RNF126: variants seen among roughly 807,000 people sequenced by gnomAD.
The protein encoded by RNF126 is ring finger protein 126.
RNF126 carries 20 observed loss-of-function variants against 41.9 expected under a neutral mutation model. That is an observed-to-expected ratio of 0.48 (90% CI 0.34 to 0.69). RNF126 has a LOEUF of 0.69. Ranked by LOEUF, RNF126 falls within the 30% of genes least tolerant of loss-of-function variation. The pLI is 0.01. For missense variants in RNF126, 433 were observed against 460.6 expected (o/e 0.94, Z 0.55); for synonymous variants, 239 against 202.9 (o/e 1.18, Z -1.51).
At position 652,791 on chromosome 19, in the gene RNF126, GCTCTTCCAGC is replaced by G. The variant is rs1309053364; in HGVS notation, c.134+25_134+34del. On this transcript the variant is annotated intron_variant, in intron 2 of 8. Transcript: ENST00000292363. ...CCCTACAACAGCTGAGGCCCGGCTGGCTCTTCCAGCCTCTTCAACAGGGGGCTGCATTACC... is the reference window on the plus strand; with the variant it reads ...CCCTACAACAGCTGAGGCCCGGCTGGCTCTTCAACAGGGGGCTGCATTACC... 3.7e-6 allele frequency: 6 copies of G among 1,602,656 alleles called. 1 individual carries two copies. The South Asian group carries it at 6.7e-5, about 18-fold the overall frequency.
chr19:660,098 C>A (rs2030732137), intron 1 of RNF126, among the ~76,000 whole-genome samples: 2 of 152,366 alleles, frequency 1.3e-5, no homozygotes, highest in South Asian at 4.1e-4. Context: ...AACTGCTGCC[C>A]CTGTGCCGTC....
intron 1 of RNF126, among the ~76,000 whole-genome samples, chr19:657,042 TG>T (rs1446138838): frequency 6.6e-6 from 1 of 152,160 alleles, no homozygotes; most frequent in Non-Finnish European, 1.5e-5. Flanking sequence ...CCAGTGGACC[TG>T]GAACAGCTGC....
intron 1 of RNF126, among the ~76,000 whole-genome samples, chr19:658,335 C>T (rs116941761): frequency 0.015 from 2,306 of 151,990 alleles, 19 homozygotes; most frequent in South Asian, 0.025. Context: ...AGTGGGCTGG[C>T]GACCTACAGG....
chr19:652,230 C>G lies in RNF126; in HGVS notation c.198+3G>C, dbSNP rs1263271167. Reference sequence around the variant, plus strand: ...CGGGAAGCACGAGGGGCGGGCGACTCACCTCCAACGGTGGCCGGCTCTGGT... The same window carrying G: ...CGGGAAGCACGAGGGGCGGGCGACTGACCTCCAACGGTGGCCGGCTCTGGT... On this transcript the variant is annotated splice_donor_region_variant and intron_variant, in intron 3 of 8. Coordinates refer to ENST00000292363, the MANE Select transcript of RNF126 (RefSeq NM_194460.3). 1 of 1,525,392 alleles carries G rather than the reference C, an allele frequency of 6.6e-7. No individual in the cohort carries two copies. Among genetic ancestry groups the G allele is most frequent in the Non-Finnish European group, 8.7e-7 (1 of 1,147,122 alleles). The allele number at this position is 1,525,392 out of a possible 1,614,324, so 94.5% of individuals were successfully genotyped here.
At chr19:655,399 C>T (rs1220875786) in intron 1 of RNF126, among the ~76,000 whole-genome samples, 3 of 151,660 alleles carry the variant, frequency 2.0e-5, no homozygotes, top group African/African-American at 4.8e-5. Context: ...GGCAGGAGAA[C>T]GGCTTGAACC....
chr19:648,364 G>GGGGGGGGGGGGGGGGGGGGGCCCCCCCCC lies in RNF126; in HGVS notation c.786+7_786+8insGGGGGGGGGCCCCCCCCCCCCCCCCCCCC. The GGGGGGGGGGGGGGGGGGGGGCCCCCCCCC allele has an allele frequency of 3.9e-6, 2 of 510,488 alleles. No individual in the cohort carries two copies. Among genetic ancestry groups the GGGGGGGGGGGGGGGGGGGGGCCCCCCCCC allele is most frequent in the Non-Finnish European group, 7.2e-6 (2 of 278,356 alleles). 31.6% of individuals were successfully genotyped at this position (510,488 alleles called of 1,614,324 possible). ...CGGGGTGGGGGGGCGGGTGGGCGGG[G>GGGGGGGGGGGGGGGGGGGGGCCCCCCCCC]CACTCACCTGCTCCAGCCAGGGCAC... On this transcript the variant is annotated splice_region_variant and intron_variant, in intron 8 of 8. Transcript: ENST00000292363.
In RNF126 at chr19:651,634, G is replaced by T. The variant is rs773578713; in HGVS notation, c.420C>A (p.His140Gln). 125 of 1,473,498 alleles carry T rather than the reference G, an allele frequency of 8.5e-5. No homozygotes were observed. Among genetic ancestry groups the T allele is most frequent in the Non-Finnish European group, 1.0e-4 (111 of 1,114,354 alleles). 91.3% of individuals were successfully genotyped at this position (1,473,498 alleles called of 1,614,324 possible). ...RLTTRRATGRHEGVPTLEGII... is the reference protein window; with the variant it reads ...RLTTRRATGRQEGVPTLEGII... ...ACCCTTCCAGCGTGGGGACGCCTTC[G>T]TGCCGGCCGGTGGCCCGCCGCGTGG... is the stretch of plus-strand genomic sequence containing the variant. Residue 140 changes from histidine (H) to glutamine (Q), a missense_variant, in exon 4 of 9, where the codon CAC becomes CAA. His to Gln is a conservative substitution (Grantham distance 24). This residue lies in a region of RNF126 where 247 missense variants were observed against 224.7 expected (regional missense o/e 1.10). Coordinates refer to ENST00000292363, the MANE Select transcript of RNF126 (RefSeq NM_194460.3).
At position 663,068 on chromosome 19, in the gene RNF126, C is replaced by T; in HGVS notation, c.54G>A (p.Val18=). Residue 18 remains valine (V), a synonymous_variant, in exon 1 of 9, where the codon GTG becomes GTA. Coordinates refer to ENST00000292363, the MANE Select transcript of RNF126 (RefSeq NM_194460.3). ...PGRYFCHCCS[V]EIVPRLPDYI... ...TCACCGGCAGGCGCGGGACGATCTC[C>T]ACGGAGCAGCAGTGGCAGAAGTACC... The T allele has an allele frequency of 7.2e-7, 1 of 1,382,406 alleles. No individual in the cohort carries two copies. The highest frequency in any genetic ancestry group is 9.4e-7 in the Non-Finnish European group (1 of 1,063,176). The allele number at this position is 1,382,406 out of a possible 1,614,324, so 85.6% of individuals were successfully genotyped here. A position where few individuals can be genotyped will look rare whatever the true frequency, so the allele number is the denominator to read the frequency against.
At chr19:654,306 GCAC>G (rs1432302196) in intron 1 of RNF126, among the ~76,000 whole-genome samples, 1 of 152,196 alleles carries the variant, frequency 6.6e-6, no homozygotes, top group African/African-American at 2.4e-5. Context: ...AGGCCGGGAG[GCAC>G]CACATGCGTT....
chr19:649,609 G>A lies in RNF126; in HGVS notation c.576+70C>T. The stretch of plus-strand genomic sequence containing the variant: ...GTGGGGCTTCGTGGGTCCAGGCAGT[G>A]GGGCAGCTCCCAGGGGTGGGCAGCC... On this transcript the variant is annotated intron_variant, in intron 6 of 8. Transcript: ENST00000292363. 5 of 1,284,874 alleles carry A rather than the reference G, an allele frequency of 3.9e-6. No homozygotes were observed. In the South Asian group the frequency reaches 6.4e-5, roughly 16 times the overall value. 79.6% of individuals were successfully genotyped at this position (1,284,874 alleles called of 1,614,324 possible).
chr19:652,229 T>C lies in RNF126; in HGVS notation c.198+4A>G. 1 of 1,523,108 alleles carries C rather than the reference T, an allele frequency of 6.6e-7. No individual in the cohort carries two copies. Among genetic ancestry groups the C allele is most frequent in the South Asian group, 1.3e-5 (1 of 76,926 alleles). 94.3% of individuals were successfully genotyped at this position (1,523,108 alleles called of 1,614,324 possible). A position where few individuals can be genotyped will look rare whatever the true frequency, so the allele number is the denominator to read the frequency against. ...TCGGGAAGCACGAGGGGCGGGCGAC[T>C]CACCTCCAACGGTGGCCGGCTCTGG... On this transcript the variant is annotated splice_donor_region_variant and intron_variant, in intron 3 of 8. Transcript: ENST00000292363.
At chr19:661,888 C>A (rs909818872) in intron 1 of RNF126, among the ~76,000 whole-genome samples, 3 of 152,182 alleles carry the variant, frequency 2.0e-5, no homozygotes, top group African/African-American at 7.2e-5. Context: ...GCTGGCCAAG[C>A]GGCTCCCGAC....
At chr19:652,364 C>T (rs1274676471) in intron 2 of RNF126, 68 bp from the exon 3 acceptor site, 25 of 1,323,432 alleles carry the variant, frequency 1.9e-5, no homozygotes, top group African/African-American at 3.0e-5. Flanking sequence ...GCTCCCTCCC[C>T]TCAAAAGCCT....
intron 1 of RNF126, 109 bp from the exon 2 acceptor site, chr19:652,993 G>C (rs1030474345): frequency 1.4e-5 from 14 of 1,027,286 alleles, no homozygotes; most frequent in East Asian, 2.6e-5. Context: ...TGGCTGGCCA[G>C]GCACACGCAG....
chr19:652,428 C>G (rs1271467406), intron 2 of RNF126, 132 bp from the exon 3 acceptor site: 3 of 810,738 alleles, frequency 3.7e-6, no homozygotes, highest in Non-Finnish European at 5.8e-6. Context: ...GCCACCGCCC[C>G]AGCATTTGGT....
intron 6 of RNF126, chr19:649,288 C>G (rs1349054404): frequency 1.0e-5 from 3 of 298,522 alleles, no homozygotes; most frequent in Non-Finnish European, 6.1e-6. Flanking sequence ...GGCTGGTGGG[C>G]TACTGTGAGG....
chr19:652,104 C>T lies in RNF126; in HGVS notation c.198+129G>A, dbSNP rs931133188. The stretch of plus-strand genomic sequence containing the variant: ...GGCCGCCCCAATCCCTGGCCCGGGC[C>T]CCTGGAGGGAAAAATTTCCTCCGCC... On this transcript the variant is annotated intron_variant, in intron 3 of 8. Transcript: ENST00000292363. 9.5e-6 allele frequency: 8 copies of T among 842,490 alleles called. No individual in the cohort carries two copies. The Admixed American group carries it at 1.4e-4, about 15-fold the overall frequency. 52.2% of individuals were successfully genotyped at this position (842,490 alleles called of 1,614,324 possible). A position where few individuals can be genotyped will look rare whatever the true frequency, so the allele number is the denominator to read the frequency against.
Position 650,263 on chromosome 19 carries a change from C to A in RNF126, c.477G>T (p.Thr159=), listed in dbSNP as rs1364778281. The A allele has an allele frequency of 1.8e-5, 28 of 1,582,624 alleles. No individual in the cohort carries two copies. In the Admixed American group the frequency reaches 3.8e-4, roughly 21 times the overall value. Residue 159 remains threonine (T), a synonymous_variant, in exon 5 of 9, where the codon ACG becomes ACT. Coordinates refer to ENST00000292363, the MANE Select transcript of RNF126 (RefSeq NM_194460.3). ...IIQQLVNGII[T]PATIPSLGPW... Reference sequence around the variant, plus strand: ...GGCCCAGGCTGGGGATGGTGGCGGGCGTGATGATGCCGTTGACGAGCTGCT... The same window carrying A: ...GGCCCAGGCTGGGGATGGTGGCGGGAGTGATGATGCCGTTGACGAGCTGCT...
At chr19:654,693 G>A (rs1035461778) in intron 1 of RNF126, among the ~76,000 whole-genome samples, 7 of 135,638 alleles carry the variant, frequency 5.2e-5, no homozygotes, top group East Asian at 2.2e-4. Context: ...CTGGCCGGGC[G>A]CGGTGTCTCA....
Sources: allele counts gnomAD v4.1 joint callset (sites outside exome capture counted in the v4.1 genomes callset), GRCh38; gene constraint gnomAD v4.1.1; regional missense constraint gnomAD v4.1.1; transcripts MANE v1.5; gene names NCBI Gene and HGNC (gene_info 2026-07-23, HGNC 2026-07-21).